The following RANBP2 variants were observed in gnomAD, a reference collection of about 807,000 sequenced individuals.
RANBP2 encodes RAN binding protein 2.
A neutral mutation model predicts 303.6 loss-of-function variants in RANBP2; 57 were observed. That is an observed-to-expected ratio of 0.19 (90% CI 0.15 to 0.23). The LOEUF is 0.23. Ranked by LOEUF, RANBP2 falls within the 10% of genes least tolerant of loss-of-function variation. The pLI, the probability that RANBP2 is intolerant of heterozygous loss-of-function variation, is 1.00. For synonymous variants in RANBP2, 1,167 were observed against 1,301.5 expected, an observed-to-expected ratio of 0.90 and a Z score of 2.23; for missense variants, 3,138 against 3,780.8, an observed-to-expected ratio of 0.83 and a Z score of 4.46.
chr2:109,301,352 GTT>G, the RANBP2 span, among the ~76,000 whole-genome samples: 18 of 68,864 alleles, frequency 2.6e-4, no homozygotes, highest in Non-Finnish European at 4.4e-4. Flanking sequence ...GTGTGTGTGT[GTT>G]TGTGTATGTT....
At chr2:108,938,422 GA>G in the RANBP2 span, among the ~76,000 whole-genome samples, 1 of 152,216 alleles carries the variant, frequency 6.6e-6, no homozygotes, top group African/African-American at 2.4e-5. Context: ...AAAGAGGAAG[GA>G]AGCTCTCTCT....
intron 20 of RANBP2, among the ~76,000 whole-genome samples, chr2:108,768,599 G>A (rs1305614692): frequency 6.6e-6 from 1 of 152,188 alleles, no homozygotes; most frequent in Non-Finnish European, 1.5e-5. Flanking sequence ...TCAGTAACTG[G>A]AAGATACTTT....
At chr2:109,187,773 A>G in the RANBP2 span, among the ~76,000 whole-genome samples, 2 of 152,222 alleles carry the variant, frequency 1.3e-5, no homozygotes, top group African/African-American at 4.8e-5. Flanking sequence ...ACACACAGGC[A>G]CACAGGTGGG....
chr2:109,540,797 TC>T, the RANBP2 span, among the ~76,000 whole-genome samples: 2 of 23,682 alleles, frequency 8.4e-5, no homozygotes, highest in East Asian at 1.0e-3. Context: ...CAAGACCCTG[TC>T]AAAAAAAAAA....
chr2:109,544,795 T>C, the RANBP2 span: 4 of 776,018 alleles, frequency 5.2e-6, no homozygotes, highest in African/African-American at 5.7e-5. Context: ...TCAAAAATAA[T>C]TGCATGCCTA....
At chr2:109,414,117 G>A in the RANBP2 span, among the ~76,000 whole-genome samples, 1 of 152,252 alleles carries the variant, frequency 6.6e-6, no homozygotes, top group South Asian at 2.1e-4. Flanking sequence ...CCTCCTTCAG[G>A]GCCCTCTTCT....
chr2:108,766,128 T>C lies in RANBP2; in HGVS notation c.5589T>C (p.His1863=), dbSNP rs531259850. 22 of 1,613,788 alleles carry C rather than the reference T, an allele frequency of 1.4e-5. No homozygotes were observed. The highest frequency in any genetic ancestry group is 8.0e-5 in the African/African-American group (6 of 75,044). Residue 1863 remains histidine, a synonymous_variant, in exon 20 of 29, where the codon CAT becomes CAC. Transcript: ENST00000283195. ...CAGAGCAAGGATTCAAATTTGGGCA[T>C]GTGGATCAAGAAAATTCACCTTCAT... ...GNTEQGFKFG[H]VDQENSPSFM... is the part of the protein sequence containing the mutation.
chr2:109,167,020 A>G, the RANBP2 span, among the ~76,000 whole-genome samples: 1 of 152,326 alleles, frequency 6.6e-6, no homozygotes, highest in Admixed American at 6.5e-5. Flanking sequence ...TAAAAGAACA[A>G]TACACACCAC....
the RANBP2 span, chr2:109,371,547 G>GTC: frequency 6.4e-7 from 1 of 1,560,804 alleles, no homozygotes; most frequent in African/African-American, 1.4e-5. Context: ...TTGTGTGTGT[G>GTC]TCCGTATGCT....
At chr2:109,563,438 A>G in the RANBP2 span, among the ~76,000 whole-genome samples, 22 of 152,352 alleles carry the variant, frequency 1.4e-4, no homozygotes, top group South Asian at 4.4e-3. Context: ...TGCAATGGAA[A>G]AGGAATCCTC....
At chr2:109,511,615 T>A in the RANBP2 span, among the ~76,000 whole-genome samples, 6 of 152,182 alleles carry the variant, frequency 3.9e-5, no homozygotes, top group South Asian at 1.2e-3. Flanking sequence ...CAGGGAGGAA[T>A]AGGGAGGGGC....
At chr2:109,434,617 C>A in the RANBP2 span, among the ~76,000 whole-genome samples, 1 of 152,226 alleles carries the variant, frequency 6.6e-6, no homozygotes, top group Non-Finnish European at 1.5e-5. Context: ...GAGCTGGGTC[C>A]TAAGTCCACT....
the RANBP2 span, among the ~76,000 whole-genome samples, chr2:109,534,712 G>A: frequency 2.0e-5 from 3 of 152,048 alleles, no homozygotes; most frequent in South Asian, 6.2e-4. Context: ...CCTGGGAGGC[G>A]GAGGTTGCAG....
chr2:108,823,241 T>C, the RANBP2 span, among the ~76,000 whole-genome samples: 1 of 152,208 alleles, frequency 6.6e-6, no homozygotes, highest in Non-Finnish European at 1.5e-5. Context: ...ATCCTCCTCA[T>C]ATTCTTCGAA....
chr2:109,369,460 G>A, the RANBP2 span, among the ~76,000 whole-genome samples: 2 of 152,262 alleles, frequency 1.3e-5, no homozygotes, highest in African/African-American at 4.8e-5. Flanking sequence ...GCTGTGTGAA[G>A]TGATATGATG....
the RANBP2 span, among the ~76,000 whole-genome samples, chr2:109,071,023 A>G: frequency 6.6e-6 from 1 of 152,156 alleles, no homozygotes; most frequent in East Asian, 1.9e-4. Context: ...TTTTCTTTAT[A>G]AATTACCCAT....
At chr2:109,232,076 G>A in the RANBP2 span, among the ~76,000 whole-genome samples, 1 of 152,194 alleles carries the variant, frequency 6.6e-6, no homozygotes, top group Non-Finnish European at 1.5e-5. Flanking sequence ...GGGCTATTAT[G>A]AACAATGCCG....
chr2:109,489,576 C>G, the RANBP2 span, among the ~76,000 whole-genome samples: 1 of 152,204 alleles, frequency 6.6e-6, no homozygotes, highest in Admixed American at 6.5e-5. Flanking sequence ...TGGCCAGGGT[C>G]CCGTGACAGA....
At chr2:108,793,840 G>T in the RANBP2 span, among the ~76,000 whole-genome samples, 2 of 151,604 alleles carry the variant, frequency 1.3e-5, no homozygotes, top group African/African-American at 4.8e-5. Context: ...CTGACCTCAT[G>T]ATCCGCCCGC....
Sources: allele counts gnomAD v4.1 joint callset (sites outside exome capture counted in the v4.1 genomes callset), GRCh38; gene constraint gnomAD v4.1.1; transcripts MANE v1.5; gene names NCBI Gene and HGNC (gene_info 2026-07-23, HGNC 2026-07-21).